RAPH1: variants seen among roughly 807,000 people sequenced by gnomAD.
RAPH1 encodes the protein ras-associated and pleckstrin homology domains-containing protein 1.
Under a neutral mutation model 88.1 loss-of-function variants are expected in RAPH1, and 18 were observed. The observed-to-expected ratio is 0.20, with a 90% confidence interval of 0.14 to 0.30. RAPH1 has a LOEUF of 0.30. RAPH1 is among the 10% of genes least tolerant of loss of function. RAPH1 has a pLI of 1.00. For synonymous variants in RAPH1, 587 were observed against 559.0 expected, an observed-to-expected ratio of 1.05 and a Z score of -0.71; for missense variants, 1,448 against 1,543.2, an observed-to-expected ratio of 0.94 and a Z score of 1.03.
At position 203,535,211 on chromosome 2, in the gene RAPH1, T is replaced by C. The variant is rs1690563942; in HGVS notation, c.-101A>G. On this transcript the variant is annotated 5_prime_UTR_variant, in exon 1 of 14. Coordinates refer to ENST00000319170, the MANE Select transcript of RAPH1 (RefSeq NM_213589.3). ...CCTCCTCCCCAGGCGCGGCGCTCCCTCGCCAGAGACGCAGCGACTGCCAGC... is the reference window on the plus strand; with the variant it reads ...CCTCCTCCCCAGGCGCGGCGCTCCCCCGCCAGAGACGCAGCGACTGCCAGC... 1.3e-5 allele frequency: 2 copies of C among 152,070 alleles called. No homozygotes were observed. The highest frequency in any genetic ancestry group is 4.0e-4 in the South Asian group (2 of 4,974). 9.4% of individuals were successfully genotyped at this position (152,070 alleles called of 1,614,324 possible).
At chr2:203,466,996 G>T (rs1463686154) in intron 4 of RAPH1, among the ~76,000 whole-genome samples, 1 of 152,152 alleles carries the variant, frequency 6.6e-6, no homozygotes, top group African/African-American at 2.4e-5. Flanking sequence ...TTGAAATTAA[G>T]GGGCTAAACA....
At chr2:203,508,962 C>G (rs1000330055) in intron 1 of RAPH1, among the ~76,000 whole-genome samples, 1 of 151,604 alleles carries the variant, frequency 6.6e-6, no homozygotes, top group Non-Finnish European at 1.5e-5. Context: ...GCCTTGCTTA[C>G]TCAGTTAACC....
At chr2:203,442,334 G>A in intron 13 of RAPH1, 1 of 334,490 alleles carries the variant, frequency 3.0e-6, no homozygotes, top group Non-Finnish European at 5.4e-6. Context: ...AGGAAAGGAA[G>A]GACCCTTGTT....
intron 1 of RAPH1, among the ~76,000 whole-genome samples, chr2:203,517,415 T>C (rs1166005024): frequency 7.4e-6 from 1 of 135,948 alleles, no homozygotes; most frequent in African/African-American, 2.8e-5. Context: ...TCCACTATCA[T>C]AGCTGGAGAC....
At chr2:203,514,557 G>GT (rs929645362) in intron 1 of RAPH1, among the ~76,000 whole-genome samples, 4 of 151,498 alleles carry the variant, frequency 2.6e-5, no homozygotes, top group African/African-American at 7.3e-5. Flanking sequence ...AATTTGTGGG[G>GT]TTTTTTTGTT....
intron 4 of RAPH1, chr2:203,477,242 C>T: frequency 1.0e-6 from 1 of 987,022 alleles, no homozygotes; most frequent in Non-Finnish European, 1.6e-6. Flanking sequence ...AGAAAAAGAT[C>T]AATGAAGTGA....
intron 1 of RAPH1, among the ~76,000 whole-genome samples, chr2:203,513,164 A>C (rs1009394997): frequency 6.6e-6 from 1 of 151,820 alleles, no homozygotes; most frequent in African/African-American, 2.4e-5. Context: ...CTTTGAGTTA[A>C]ATCATTTAAA....
Position 203,495,370 on chromosome 2 carries a change from T to A in RAPH1, c.1-17A>T, listed in dbSNP as rs1688468561. ...CTGCTCCATCTGAAATACAGACATTTGTGTAGAATGAATAGTAAGTTACAG... is the reference window on the plus strand; with the variant it reads ...CTGCTCCATCTGAAATACAGACATTAGTGTAGAATGAATAGTAAGTTACAG... On this transcript the variant is annotated splice_polypyrimidine_tract_variant and intron_variant, in intron 1 of 13. Transcript: ENST00000319170. 3 of 1,613,558 alleles carry A rather than the reference T, an allele frequency of 1.9e-6. No homozygotes were observed. The highest frequency in any genetic ancestry group is 1.7e-5 in the Admixed American group (1 of 60,006).
At position 203,437,112 on chromosome 2, in the gene RAPH1, C is replaced by T. The variant is rs1285007733; in HGVS notation, c.*2325G>A. 14 of 152,162 alleles carry T rather than the reference C, an allele frequency of 9.2e-5. No individual in the cohort carries two copies. Among genetic ancestry groups the T allele is most frequent in the Non-Finnish European group, 1.8e-4 (12 of 68,046 alleles). 9.4% of individuals were successfully genotyped at this position (152,162 alleles called of 1,614,324 possible). On this transcript the variant is annotated 3_prime_UTR_variant, in exon 14 of 14. Coordinates refer to ENST00000319170, the MANE Select transcript of RAPH1 (RefSeq NM_213589.3). ...CTATTCCAGGAAAACAGACCAGAAG[C>T]ATCTGTTCAGGATGGCTATCATCAG...
intron 2 of RAPH1, among the ~76,000 whole-genome samples, chr2:203,492,324 G>C (rs1688305977): frequency 6.6e-6 from 1 of 151,840 alleles, no homozygotes; most frequent in African/African-American, 2.4e-5. Context: ...CTCGATCTTT[G>C]CTATATGAAG....
intron 13 of RAPH1, chr2:203,442,097 G>C (rs773392230): frequency 1.9e-6 from 3 of 1,589,200 alleles, no homozygotes; most frequent in African/African-American, 2.7e-5. Context: ...AATACATAAA[G>C]AAATGCTTTG....
At chr2:203,456,286 C>T (rs2098519492) in intron 8 of RAPH1, among the ~76,000 whole-genome samples, 1 of 152,122 alleles carries the variant, frequency 6.6e-6, no homozygotes, top group Non-Finnish European at 1.5e-5. Context: ...ACTGTCAGGG[C>T]AAACCAAGCG....
At chr2:203,451,678 A>T (rs1025641576) in intron 10 of RAPH1, among the ~76,000 whole-genome samples, 1 of 152,244 alleles carries the variant, frequency 6.6e-6, no homozygotes, top group Admixed American at 6.5e-5. Context: ...TTAAGAAAGA[A>T]AGGTCAACAT....
chr2:203,534,598 G>A (rs1690535279), intron 1 of RAPH1, among the ~76,000 whole-genome samples: 1 of 139,082 alleles, frequency 7.2e-6, no homozygotes, highest in African/African-American at 2.7e-5. Flanking sequence ...AAAAAGCAAT[G>A]AAGCAATTAC....
At position 203,441,279 on chromosome 2, in the gene RAPH1, AGGAGGAGGTGGGGGTGGC is replaced by A. The variant is rs768864584; in HGVS notation, c.1893_1910del (p.Pro643_Pro648del). 8.3e-6 allele frequency: 2 copies of A among 240,004 alleles called. No individual in the cohort carries two copies. The highest frequency in any genetic ancestry group is 1.2e-5 in the Non-Finnish European group (2 of 163,122). The allele number at this position is 240,004 out of a possible 1,614,324, so 14.9% of individuals were successfully genotyped here. On this transcript the variant is annotated inframe_deletion, in exon 14 of 14. Coordinates refer to ENST00000319170, the MANE Select transcript of RAPH1 (RefSeq NM_213589.3). ...GAGGGGGTGGTGGAGGGGGTGGTGGAGGAGGAGGTGGGGGTGGCGGAGGAGGTAGAGGTGGTGAAGGCT... is the reference window on the plus strand; with the variant it reads ...GAGGGGGTGGTGGAGGGGGTGGTGGAGGAGGAGGTAGAGGTGGTGAAGGCT...
In RAPH1 at chr2:203,461,300, C is replaced by G; in HGVS notation, c.919G>C (p.Gly307Arg). The change falls in exon 6 of 14, where the codon GGT becomes CGT. Residue 307 changes from glycine to arginine, a missense_variant. Around this residue, in one of 2 missense-constraint regions of RAPH1, gnomAD observed 513 missense variants for 653.1 expected, o/e 0.79. Transcript: ENST00000319170. The part of the protein sequence containing the change: ...LDNLMDKSHC[G>R]YSLDWSLVET... ...ACCAGTGACCAGTCTAAACTATAAC[C>G]GCAGTGGGATTTGTCCATCAGGTTA... 1 of 1,608,498 alleles carries G rather than the reference C, an allele frequency of 6.2e-7. No homozygotes were observed. Among genetic ancestry groups the G allele is most frequent in the Non-Finnish European group, 8.5e-7 (1 of 1,177,120 alleles).
chr2:203,491,346 A>G (rs986745804), intron 2 of RAPH1, 27 bp from the exon 3 acceptor site: 1 of 1,416,852 alleles, frequency 7.1e-7, no homozygotes. Context: ...TTTAATAGTC[A>G]TATTAAATTC....
intron 1 of RAPH1, among the ~76,000 whole-genome samples, chr2:203,528,677 G>A (rs942516106): frequency 2.0e-5 from 3 of 151,916 alleles, no homozygotes; most frequent in East Asian, 3.8e-4. Flanking sequence ...CAAATATAAC[G>A]TATCATATTC....
chr2:203,471,526 C>A (rs558048208), intron 4 of RAPH1, among the ~76,000 whole-genome samples: 2 of 151,978 alleles, frequency 1.3e-5, no homozygotes, highest in Non-Finnish European at 2.9e-5. Flanking sequence ...GCAGAAGAAT[C>A]GCTTGAACTT....
Sources: gnomAD v4.1 joint callset for allele counts (sites outside exome capture counted in the v4.1 genomes callset) on GRCh38, gnomAD v4.1.1 for gene constraint, gnomAD v4.1.1 regional missense constraint, MANE v1.5 for transcripts, NCBI Gene and HGNC (gene_info 2026-07-23, HGNC 2026-07-21) for gene names.